Variants in CLIP1 observed in about 807,000 individuals in gnomAD.
CLIP1 encodes CAP-Gly domain-containing linker protein 1.
CLIP1 carries 66 observed loss-of-function variants against 161.6 expected under a neutral mutation model. That is an observed-to-expected ratio of 0.41 (90% CI 0.33 to 0.50). The LOEUF is 0.50. Among genes scored for constraint, CLIP1 ranks in the 20% least tolerant of loss-of-function variants. CLIP1 has a pLI of 0.27. For missense variants in CLIP1, 1,376 were observed against 1,702.0 expected (o/e 0.81, Z 3.37); for synonymous variants, 598 against 626.2 (o/e 0.96, Z 0.67).
chr12:122,304,610 C>G (rs1307363508), intron 20 of CLIP1, among the ~76,000 whole-genome samples: 1 of 152,230 alleles, frequency 6.6e-6, no homozygotes, highest in African/African-American at 2.4e-5. Context: ...ATCTGTCTGC[C>G]TCAGCCTCCT....
intron 1 of CLIP1, among the ~76,000 whole-genome samples, chr12:122,419,829 G>A (rs1430321810): frequency 2.0e-5 from 3 of 151,420 alleles, no homozygotes; most frequent in East Asian, 1.9e-4. Flanking sequence ...CCAGCTACTC[G>A]GGAGGCTGAG....
chr12:122,286,032 T>C (rs1184643780), intron 21 of CLIP1, among the ~76,000 whole-genome samples: 1 of 152,110 alleles, frequency 6.6e-6, no homozygotes, highest in East Asian at 1.9e-4. Context: ...GGTTATGCTA[T>C]TCTTTAAGGT....
chr12:122,316,598 T>C (rs372188241), intron 19 of CLIP1, 151 bp downstream of exon 19: 32 of 521,200 alleles, frequency 6.1e-5, no homozygotes, highest in East Asian at 4.2e-4. Context: ...GACCTCACGG[T>C]GGTTACTGAT....
At chr12:122,278,311 C>T in intron 23 of CLIP1, 108 bp from the exon 24 acceptor site, 1 of 1,015,310 alleles carries the variant, frequency 9.8e-7, no homozygotes. Flanking sequence ...AACTCATTTT[C>T]CTGTGGACTT....
At chr12:122,356,873 C>T (rs1953406269) in intron 5 of CLIP1, among the ~76,000 whole-genome samples, 1 of 152,242 alleles carries the variant, frequency 6.6e-6, no homozygotes, top group Non-Finnish European at 1.5e-5. Context: ...CTCCTAACTG[C>T]GAGTGATCCG....
At chr12:122,330,500 AT>A (rs1951897500) in intron 15 of CLIP1, among the ~76,000 whole-genome samples, 1 of 152,182 alleles carries the variant, frequency 6.6e-6, no homozygotes, top group South Asian at 2.1e-4. Context: ...TATGACAGCT[AT>A]TAAAAGAAAA....
intron 1 of CLIP1, among the ~76,000 whole-genome samples, chr12:122,404,622 T>C (rs1956256569): frequency 7.0e-6 from 1 of 142,060 alleles, no homozygotes; most frequent in South Asian, 2.2e-4. Flanking sequence ...AAAGGCCAGG[T>C]ACAGTGGCTC....
chr12:122,378,691 A>G (rs1282039963), intron 2 of CLIP1, among the ~76,000 whole-genome samples: 1 of 152,164 alleles, frequency 6.6e-6, no homozygotes, highest in African/African-American at 2.4e-5. Context: ...TAGTCAATCG[A>G]AGCTGATAAA....
intron 3 of CLIP1, 116 bp downstream of exon 3, chr12:122,377,273 G>T: frequency 1.1e-6 from 1 of 905,770 alleles, no homozygotes; most frequent in Non-Finnish European, 1.7e-6. Context: ...CTCCCAAAGT[G>T]CTGGGATTAT....
Position 122,360,980 on chromosome 12 carries a change from G to A in CLIP1, c.984C>T (p.Ser328=). 28 of 1,613,426 alleles carry A rather than the reference G, an allele frequency of 1.7e-5. No homozygotes were observed. The highest frequency in any genetic ancestry group is 2.4e-5 in the Non-Finnish European group (28 of 1,179,900). ...TTACTAGTCCTGTCCGACTGGGCCT[G>A]CTGCTCACAGAGGAGGCCACTGAGC... is the stretch of plus-strand genomic sequence containing the variant. ...SMSSVASSVS[S]RPSRTGLLTE... Residue 328 remains serine (S), a synonymous_variant, in exon 5 of 26, where the codon AGC becomes AGT. Transcript: ENST00000620786.
chr12:122,373,113 A>T lies in CLIP1; in HGVS notation c.657+4276T>A, dbSNP rs546428050. ...TGGTTCCCCAATAACCTACGGTAATAAAAAAAATTTAATTAAAAAAGTTAA... is the reference window on the plus strand; with the variant it reads ...TGGTTCCCCAATAACCTACGGTAATTAAAAAAATTTAATTAAAAAAGTTAA... On this transcript the variant is annotated intron_variant, in intron 3 of 25. Transcript: ENST00000620786. Among the ~76,000 whole-genome samples, 333 of 152,210 alleles carry T rather than the reference A, an allele frequency of 2.2e-3. 2 individuals are homozygous for T. The highest frequency in any genetic ancestry group is 7.8e-3 in the African/African-American group (326 of 41,532).
At position 122,309,804 on chromosome 12, in the gene CLIP1, C is replaced by T. The variant is rs1446022626; in HGVS notation, c.3552G>A (p.Glu1184=). 2 of 1,613,440 alleles carry T rather than the reference C, an allele frequency of 1.2e-6. No homozygotes were observed. The highest frequency in any genetic ancestry group is 1.7e-5 in the Admixed American group (1 of 60,022). ...ALQEENVKLA[E]ELGRSRDEVT... is the part of the protein sequence containing the mutation. ...CTTCGTCCCTGCTTCTCCCCAGCTC[C>T]TCAGCAAGTTTAACGTTCTCTTCTT... is the stretch of plus-strand genomic sequence containing the variant. Residue 1184 remains glutamate (E), a synonymous_variant, in exon 20 of 26, where the codon GAG becomes GAA. Transcript: ENST00000620786.
chr12:122,286,084 A>C (rs1955839639), intron 21 of CLIP1, among the ~76,000 whole-genome samples: 1 of 152,182 alleles, frequency 6.6e-6, no homozygotes, highest in Non-Finnish European at 1.5e-5. Context: ...GCAAAAAAGC[A>C]CATCACTGTT....
At chr12:122,350,836 C>G (rs1953000988) in intron 9 of CLIP1, among the ~76,000 whole-genome samples, 2 of 151,720 alleles carry the variant, frequency 1.3e-5, no homozygotes, top group African/African-American at 4.8e-5. Context: ...GGTCTCCAGA[C>G]AAAAAACATT....
At chr12:122,326,008 C>G (rs1312793626) in intron 17 of CLIP1, among the ~76,000 whole-genome samples, 1 of 152,326 alleles carries the variant, frequency 6.6e-6, no homozygotes, top group African/African-American at 2.4e-5. Flanking sequence ...TTAGGCAGCA[C>G]AGCTATAGCC....
chr12:122,328,356 C>T lies in CLIP1; in HGVS notation c.2938G>A (p.Glu980Lys). ...TGTTCAGCTTTGACAGTCATGTCCT[C>T]AATACTTTTTTGCAGAAAACTTGCA... ...ENASFLQKSI[E>K]DMTVKAEQSQ... Residue 980 changes from glutamate (E) to lysine (K), a missense_variant, in exon 16 of 26, where the codon GAG becomes AAG. This residue lies in a region of CLIP1 where 948 missense variants were observed against 1,134.8 expected (regional missense o/e 0.84). Coordinates refer to ENST00000620786, the MANE Select transcript of CLIP1 (RefSeq NM_001247997.2). 1 of 1,612,828 alleles carries T rather than the reference C, an allele frequency of 6.2e-7. No individual in the cohort carries two copies. Among genetic ancestry groups the T allele is most frequent in the Non-Finnish European group, 8.5e-7 (1 of 1,179,636 alleles).
At chr12:122,362,834 T>C (rs1021932920) in intron 4 of CLIP1, among the ~76,000 whole-genome samples, 1 of 151,334 alleles carries the variant, frequency 6.6e-6, no homozygotes, top group Non-Finnish European at 1.5e-5. Context: ...ACTATTAATG[T>C]CTATTTTCAG....
intron 17 of CLIP1, chr12:122,324,259 G>A (rs557265163): frequency 2.6e-5 from 4 of 152,668 alleles, no homozygotes; most frequent in South Asian, 2.1e-4. Context: ...AAAGTGAACC[G>A]TTTTCTAACT....
At chr12:122,276,299 C>T in intron 24 of CLIP1, 2 of 1,046,994 alleles carry the variant, frequency 1.9e-6, no homozygotes, top group South Asian at 1.6e-5. Context: ...TCTCAACGTG[C>T]ATTTTCTAAG....
Sources: gnomAD v4.1 joint callset for allele counts (sites outside exome capture counted in the v4.1 genomes callset) on GRCh38, gnomAD v4.1.1 for gene constraint, gnomAD v4.1.1 regional missense constraint, MANE v1.5 for transcripts, NCBI Gene and HGNC (gene_info 2026-07-23, HGNC 2026-07-21) for gene names.